The following APOB variants were observed in gnomAD, a reference collection of about 807,000 sequenced individuals.
The protein encoded by APOB is apolipoprotein B, also known as apolipoprotein B-100.
Under a neutral mutation model 314.1 loss-of-function variants are expected in APOB, and 153 were observed. The ratio of observed to expected loss-of-function variants is 0.49; its 90% CI spans 0.43 to 0.56. APOB has a LOEUF of 0.56. APOB is among the 20% of genes least tolerant of loss of function. The probability of loss-of-function intolerance (pLI) is 0.00; values close to 1 mark genes in which losing one functional copy is unlikely to be tolerated. For missense variants in APOB, 5,430 were observed against 5,350.7 expected (o/e 1.01, Z -0.46); for synonymous variants, 2,087 against 2,036.4 (o/e 1.02, Z -0.67).
chr2:21,012,738 C>A lies in APOB; in HGVS notation c.4217-87G>T, dbSNP rs1663361345. 2.7e-6 allele frequency: 4 copies of A among 1,459,216 alleles called. No individual in the cohort carries two copies. In the East Asian group the frequency reaches 6.8e-5, roughly 25 times the overall value. 90.4% of individuals were successfully genotyped at this position (1,459,216 alleles called of 1,614,324 possible). ...TGTTGAAAGTCTTTCAATAATAAAG[C>A]CCCATTTTTCTGGGCCAATTGTGCA... On this transcript the variant is annotated intron_variant, in intron 25 of 28. Coordinates refer to ENST00000233242, the MANE Select transcript of APOB (RefSeq NM_000384.3).
chr2:21,043,765 C>T, intron 1 of APOB, 99 bp downstream of exon 1: 2 of 1,511,606 alleles, frequency 1.3e-6, no homozygotes, highest in East Asian at 4.9e-5. Context: ...GACCCTGTGG[C>T]TGCCCTCCCT....
rs1327344663 is a variant in APOB at position 21,002,417 on chromosome 2, T to A, written c.13005A>T (p.Thr4335=). The A allele has an allele frequency of 6.3e-7, 1 of 1,599,928 alleles. No individual in the cohort carries two copies. The highest frequency in any genetic ancestry group is 8.5e-7 in the Non-Finnish European group (1 of 1,171,336). ...CATATGGGATATAATCACTGAAGAT[T>A]GTGTTGATCTCATCTTGGATATAAT... ...LINYIQDEIN[T]IFSDYIPYVF... Residue 4335 remains threonine, a synonymous_variant, in exon 29 of 29, where the codon ACA becomes ACT. Coordinates refer to ENST00000233242, the MANE Select transcript of APOB (RefSeq NM_000384.3).
chr2:21,011,404 GC>G lies in APOB; in HGVS notation c.5463del (p.His1822MetfsTer6), dbSNP rs397514255. 1.2e-6 allele frequency: 2 copies of G among 1,614,104 alleles called. No homozygotes were observed. Among genetic ancestry groups the G allele is most frequent in the Non-Finnish European group, 1.7e-6 (2 of 1,180,024 alleles). On this transcript the variant is annotated frameshift_variant, in exon 26 of 29. Coordinates refer to ENST00000233242, the MANE Select transcript of APOB (RefSeq NM_000384.3). LOFTEE classifies it high-confidence loss of function. ...NGKLRLEPLK[L>X]HVAGNLKGAY... The stretch of plus-strand genomic sequence containing the variant: ...GCTCCTTTTAGGTTACCAGCCACAT[GC>G]AGCTTCAGGGGTTCTAGCCGTAGTT...
chr2:21,041,019 T>G lies in APOB; in HGVS notation c.302A>C (p.Glu101Ala), dbSNP rs1425429158. ...GCCCTCAGGGTTGAAGCCATACACC[T>G]CTTTCAGGGTGCACTGGCTGGTCTT... The part of the protein sequence containing the change: ...ILKTSQCTLK[E>A]VYGFNPEGKA... The change falls in exon 4 of 29, where the codon GAG (glutamate) becomes GCG (alanine). Residue 101 changes from glutamate to alanine, a missense_variant. Glu to Ala is a moderately radical substitution (Grantham distance 107, BLOSUM62 -1). Around this residue, in one of 3 missense-constraint regions of APOB, gnomAD observed 2,085 missense variants for 2,079.7 expected, o/e 1.00. Transcript: ENST00000233242. 6.2e-7 allele frequency: 1 copy of G among 1,613,672 alleles called. No homozygotes were observed. Among genetic ancestry groups the G allele is most frequent in the Non-Finnish European group, 8.5e-7 (1 of 1,179,924 alleles).
Position 21,009,375 on chromosome 2 carries a change from T to G in APOB, c.7493A>C (p.Glu2498Ala). 15 of 1,614,126 alleles carry G rather than the reference T, an allele frequency of 9.3e-6. No individual in the cohort carries two copies. Among genetic ancestry groups the G allele is most frequent in the Non-Finnish European group, 1.2e-5 (14 of 1,179,976 alleles). The change falls in exon 26 of 29, where the codon GAG (glutamate) becomes GCG (alanine). Residue 2498 changes from glutamate (E) to alanine (A), a missense_variant. Around this residue, in one of 3 missense-constraint regions of APOB, gnomAD observed 3,281 missense variants for 3,171.0 expected, o/e 1.03. Transcript: ENST00000233242. Reference protein sequence around the residue: ...KITLIINWLQEALSSASLAHM... With the variant: ...KITLIINWLQAALSSASLAHM... ...AGCCAAAGATGCTGAACTTAAAGCC[T>G]CCTGTAACCAATTGATGATTAAGGT...
intron 23 of APOB, among the ~76,000 whole-genome samples, 189 bp downstream of exon 23, chr2:21,014,884 A>T (rs1229634559): frequency 1.3e-5 from 2 of 152,232 alleles, no homozygotes; most frequent in African/African-American, 4.8e-5. Context: ...TTTGATATGT[A>T]TCACATTCAG....
In APOB at chr2:21,023,610, G is replaced by C; in HGVS notation, c.2519C>G (p.Thr840Ser). Residue 840 changes from threonine (T) to serine (S), a missense_variant, in exon 17 of 29, where the codon ACT becomes AGT. Around this residue, in one of 3 missense-constraint regions of APOB, gnomAD observed 2,085 missense variants for 2,079.7 expected, o/e 1.00. Coordinates refer to ENST00000233242, the MANE Select transcript of APOB (RefSeq NM_000384.3). ...IFMENAFELP[T>S]GAGLQLQISS... Reference sequence around the variant, plus strand: ...TATTTGCAACTGTAATCCAGCTCCAGTGGGGAGTTCAAAGGCATTCTCCAT... The same window carrying C: ...TATTTGCAACTGTAATCCAGCTCCACTGGGGAGTTCAAAGGCATTCTCCAT... 1.2e-6 allele frequency: 2 copies of C among 1,614,212 alleles called. No individual in the cohort carries two copies. Among genetic ancestry groups the C allele is most frequent in the Non-Finnish European group, 1.7e-6 (2 of 1,180,024 alleles).
At chr2:21,025,892 C>T (rs1663721162) in intron 15 of APOB, among the ~76,000 whole-genome samples, 1 of 152,216 alleles carries the variant, frequency 6.6e-6, no homozygotes, top group East Asian at 1.9e-4. Flanking sequence ...CCAGATCATA[C>T]AACCTATTTC....
At chr2:21,030,047 G>T in intron 10 of APOB, 32 bp from the exon 11 acceptor site, 1 of 1,389,654 alleles carries the variant, frequency 7.2e-7, no homozygotes, top group Non-Finnish European at 1.0e-6. Flanking sequence ...TCAGGACTTG[G>T]TAACCCCAGT....
rs566591609 is a variant in APOB, at chr2:21,019,628, G to C, written c.2999+95C>G. 11 of 1,316,828 alleles carry C rather than the reference G, an allele frequency of 8.4e-6. No individual in the cohort carries two copies. The Admixed American group carries it at 1.1e-4, about 13-fold the overall frequency. 81.6% of individuals were successfully genotyped at this position (1,316,828 alleles called of 1,614,324 possible). ...GCAAACCCAGAAGGCTAGTGACAGGGTCTTACAACACAGAGTATTTTTTCC... is the reference window on the plus strand; with the variant it reads ...GCAAACCCAGAAGGCTAGTGACAGGCTCTTACAACACAGAGTATTTTTTCC... On this transcript the variant is annotated intron_variant, in intron 19 of 28. Transcript: ENST00000233242.
In APOB at chr2:21,042,355, C is replaced by T; in HGVS notation, c.237+6G>A. Reference sequence around the variant, plus strand: ...TCTAGGTCCCTCCTGCCTGCATCCTCCATACCTTGCAGTTGATCCTGGTGG... The same window carrying T: ...TCTAGGTCCCTCCTGCCTGCATCCTTCATACCTTGCAGTTGATCCTGGTGG... On this transcript the variant is annotated splice_donor_region_variant and intron_variant, in intron 3 of 28. Transcript: ENST00000233242. The T allele has an allele frequency of 6.2e-7, 1 of 1,609,896 alleles. No homozygotes were observed. The highest frequency in any genetic ancestry group is 8.5e-7 in the Non-Finnish European group (1 of 1,176,482).
Position 21,007,514 on chromosome 2 carries a change from A to T in APOB, c.9354T>A (p.Asn3118Lys). ...ENIMEAHVGI[N>K]GEANLDFLNI... ...TTAAGAAATCCAGATTTGCTTCTCC[A>T]TTTATTCCTACATGGGCCTCCATAA... is the stretch of plus-strand genomic sequence containing the variant. Residue 3118 changes from asparagine (N) to lysine (K), a missense_variant, in exon 26 of 29, where the codon AAT becomes AAA. Asn to Lys is a moderately conservative substitution (Grantham distance 94). Coordinates refer to ENST00000233242, the MANE Select transcript of APOB (RefSeq NM_000384.3). 1 of 1,614,098 alleles carries T rather than the reference A, an allele frequency of 6.2e-7. No homozygotes were observed. The highest frequency in any genetic ancestry group is 8.5e-7 in the Non-Finnish European group (1 of 1,179,972).
intron 20 of APOB, among the ~76,000 whole-genome samples, chr2:21,017,269 G>T (rs74822389): frequency 0.032 from 4,936 of 152,164 alleles, 246 homozygotes; most frequent in African/African-American, 0.11. Flanking sequence ...CACTGCTCTT[G>T]GTACTGGGGA....
rs538245770 is a variant in APOB at position 21,010,707 on chromosome 2, A to C, written c.6161T>G (p.Ile2054Ser). ...TTTATCATACTTTACAAAAGCAACA[A>C]TTGTAAATTCTTGGGGCTTCTCAAC... ...DAVEKPQEFT[I>S]VAFVKYDKNQ... is the part of the protein sequence containing the mutation. Residue 2054 changes from isoleucine to serine, a missense_variant, in exon 26 of 29, where the codon ATT (isoleucine) becomes AGT (serine). Ile to Ser is a moderately radical substitution (Grantham distance 142). This residue lies in a region of APOB where 3,281 missense variants were observed against 3,171.0 expected (regional missense o/e 1.03). Coordinates refer to ENST00000233242, the MANE Select transcript of APOB (RefSeq NM_000384.3). 5.6e-6 allele frequency: 9 copies of C among 1,613,920 alleles called. No individual in the cohort carries two copies. In the African/African-American group the frequency reaches 1.1e-4, roughly 19 times the overall value.
Position 21,013,525 on chromosome 2 carries a change from C to T in APOB, c.3851G>A (p.Arg1284Gln), listed in dbSNP as rs372154910. ...PENLFLKSDG[R>Q]VKYTLNKNSL... ...GTTCTTGTTCAAGGTATATTTGACC[C>T]GGCCATCGCTGAAATGAACAACAAA... Residue 1284 changes from arginine (R) to glutamine (Q), a missense_variant, in exon 25 of 29, where the codon CGG becomes CAG. This residue lies in a region of APOB where 2,085 missense variants were observed against 2,079.7 expected (regional missense o/e 1.00). Transcript: ENST00000233242. 1.7e-5 allele frequency: 28 copies of T among 1,614,088 alleles called. No individual in the cohort carries two copies. Among genetic ancestry groups the T allele is most frequent in the Admixed American group, 3.3e-5 (2 of 60,020 alleles).
intron 12 of APOB, 27 bp downstream of exon 12, chr2:21,029,612 T>C (rs1181001372): frequency 1.9e-6 from 3 of 1,613,762 alleles, no homozygotes; most frequent in Non-Finnish European, 2.5e-6. Flanking sequence ...AAACTTTCAC[T>C]TTCAGACCTC....
At chr2:21,030,450 C>T (rs1478422862) in intron 10 of APOB, among the ~76,000 whole-genome samples, 1 of 152,116 alleles carries the variant, frequency 6.6e-6, no homozygotes, top group African/African-American at 2.4e-5. Context: ...AAAAAATCAA[C>T]TCAAGATGGA....
At chr2:21,038,181 G>T in intron 4 of APOB, 70 bp from the exon 5 acceptor site, 1 of 1,548,616 alleles carries the variant, frequency 6.5e-7, no homozygotes, top group South Asian at 1.1e-5. Flanking sequence ...AAGCTGGGTG[G>T]CACTGAAGTT....
Position 21,008,463 on chromosome 2 carries a change from T to A in APOB, c.8405A>T (p.Glu2802Val), listed in dbSNP as rs1663211596. 3.1e-6 allele frequency: 5 copies of A among 1,614,088 alleles called. No individual in the cohort carries two copies. Among genetic ancestry groups the A allele is most frequent in the Middle Eastern group, 1.6e-4 (1 of 6,062 alleles). The stretch of plus-strand genomic sequence containing the variant: ...TGCTTGAAAATCAAAATTGAGAACT[T>A]CTAATTTGGACTCTCCTTTGGCAGT... ...SITAKGESKL[E>V]VLNFDFQANA... is the part of the protein sequence containing the mutation. The change falls in exon 26 of 29, where the codon GAA becomes GTA. Residue 2802 changes from glutamate to valine, a missense_variant. Coordinates refer to ENST00000233242, the MANE Select transcript of APOB (RefSeq NM_000384.3).
Sources: allele counts gnomAD v4.1 joint callset (sites outside exome capture counted in the v4.1 genomes callset), GRCh38; gene constraint gnomAD v4.1.1; regional missense constraint gnomAD v4.1.1; transcripts MANE v1.5; gene names NCBI Gene and HGNC (gene_info 2026-07-23, HGNC 2026-07-21).